The following RILPL1 variants were observed in gnomAD, a reference collection of about 807,000 sequenced individuals.
RILPL1 encodes the protein Rab interacting lysosomal protein like 1.
A neutral mutation model predicts 50.3 loss-of-function variants in RILPL1; 33 were observed. The ratio of observed to expected loss-of-function variants is 0.66; its 90% CI spans 0.50 to 0.88. The LOEUF (loss-of-function observed/expected upper bound fraction) is 0.88. Among genes scored for constraint, RILPL1 ranks in the 40% least tolerant of loss-of-function variants. The probability of loss-of-function intolerance (pLI) is 0.00; values close to 1 mark genes in which losing one functional copy is unlikely to be tolerated. For missense variants in RILPL1, 418 were observed against 542.5 expected, an observed-to-expected ratio of 0.77 and a Z score of 2.28; for synonymous variants, 205 against 228.6, an observed-to-expected ratio of 0.90 and a Z score of 0.93.
In RILPL1 at chr12:123,485,773, G is replaced by T. The variant is rs370215117; in HGVS notation, c.834C>A (p.Asp278Glu). 3 of 1,610,890 alleles carry T rather than the reference G, an allele frequency of 1.9e-6. No homozygotes were observed. In the South Asian group the frequency reaches 3.3e-5, roughly 18 times the overall value. ...TEPVGEESIS[D>E]AEKVAMDLKD... ...TGAGATCCATGGCCACCTTCTCTGC[G>T]TCGGAGATGCTCTCCTCTCCCACCG... Residue 278 changes from aspartate (D) to glutamate (E), a missense_variant, in exon 5 of 7, where the codon GAC becomes GAA. Transcript: ENST00000376874. The surrounding 1 kb of genome is among the most constrained non-coding windows in gnomAD (Gnocchi z 4.0).
At chr12:123,484,318 T>C in intron 5 of RILPL1, 46 bp from the exon 6 acceptor site, 2 of 1,262,542 alleles carry the variant, frequency 1.6e-6, no homozygotes, top group Non-Finnish European at 2.3e-6. Context: ...AAAAGTTCCT[T>C]GAGAACTGGA....
At chr12:123,493,204 A>C (rs1236321152) in intron 4 of RILPL1, among the ~76,000 whole-genome samples, 2 of 152,258 alleles carry the variant, frequency 1.3e-5, no homozygotes, top group East Asian at 1.9e-4. Flanking sequence ...GAGGTGGGAC[A>C]TGCGGGCAGC....
chr12:123,498,500 G>T lies in RILPL1; in HGVS notation c.801+44C>A, dbSNP rs1366763805. On this transcript the variant is annotated intron_variant, in intron 4 of 6. Coordinates refer to ENST00000376874, the MANE Select transcript of RILPL1 (RefSeq NM_178314.5). This position sits in a 1 kb window ranked among gnomAD's most constrained non-coding sequence, Gnocchi z 4.3. ...CCTGCCTGCCTTAAGCCAACCCCCAGACTGACCCTCTGCTACCACCTCTGC... is the reference window on the plus strand; with the variant it reads ...CCTGCCTGCCTTAAGCCAACCCCCATACTGACCCTCTGCTACCACCTCTGC... 1.3e-6 allele frequency: 2 copies of T among 1,576,804 alleles called. No homozygotes were observed. Among genetic ancestry groups the T allele is most frequent in the African/African-American group, 1.3e-5 (1 of 74,332 alleles).
rs1593541662 is a variant in RILPL1 at position 123,485,860 on chromosome 12, A to C, written c.802-55T>G. The C allele has an allele frequency of 6.5e-7, 1 of 1,531,324 alleles. No homozygotes were observed. Among genetic ancestry groups the C allele is most frequent in the Non-Finnish European group, 8.8e-7 (1 of 1,140,252 alleles). 94.9% of individuals were successfully genotyped at this position (1,531,324 alleles called of 1,614,324 possible). ...TTCTTGGCAGCCACTGCCAGCACCC[A>C]CTCTCTATCCTGAAGGAGCCCAAAT... On this transcript the variant is annotated intron_variant, in intron 4 of 6. Transcript: ENST00000376874. The surrounding 1 kb of genome is among the most constrained non-coding windows in gnomAD (Gnocchi z 4.0).
Position 123,487,468 on chromosome 12 carries a change from G to A in RILPL1, c.802-1663C>T, listed in dbSNP as rs115000452. On this transcript the variant is annotated intron_variant, in intron 4 of 6. Coordinates refer to ENST00000376874, the MANE Select transcript of RILPL1 (RefSeq NM_178314.5). The stretch of plus-strand genomic sequence containing the variant: ...AATACAGGCACCCGCCATCATGCCC[G>A]GGCTAAGTTTTGTATTTTTGTAGAG... Among the ~76,000 whole-genome samples, 959 of 152,120 alleles carry A rather than the reference G, an allele frequency of 6.3e-3. 11 individuals are homozygous for A. The highest frequency in any genetic ancestry group is 0.022 in the African/African-American group (925 of 41,522).
intron 1 of RILPL1, among the ~76,000 whole-genome samples, chr12:123,523,976 T>C (rs970530527): frequency 1.3e-5 from 2 of 152,226 alleles, no homozygotes; most frequent in Non-Finnish European, 2.9e-5. Flanking sequence ...CGAACGTTCC[T>C]AACCTCTGGG....
intron 2 of RILPL1, among the ~76,000 whole-genome samples, chr12:123,520,873 C>G (rs950915862): frequency 6.6e-6 from 1 of 152,234 alleles, no homozygotes; most frequent in East Asian, 1.9e-4. Flanking sequence ...AACACCACGG[C>G]GGATCAATCC....
intron 2 of RILPL1, among the ~76,000 whole-genome samples, chr12:123,521,075 AC>A (rs1400148057): frequency 1.3e-5 from 2 of 152,082 alleles, no homozygotes; most frequent in Non-Finnish European, 2.9e-5. Flanking sequence ...CTCAGTCTAA[AC>A]TTTTCTCATC....
Position 123,523,543 on chromosome 12 carries a change from A to G in RILPL1, c.412T>C (p.Ser138Pro), listed in dbSNP as rs1166324448. The change falls in exon 2 of 7, where the codon TCC becomes CCC. Residue 138 changes from serine (S) to proline (P), a missense_variant. Coordinates refer to ENST00000376874, the MANE Select transcript of RILPL1 (RefSeq NM_178314.5). ...TCTGAGAAATTGACATCCTTGTGGG[A>G]GAGGTTGGTCATGAGCTGCTTGTTC... is the stretch of plus-strand genomic sequence containing the variant. ...EENKQLMTNL[S>P]HKDVNFSEEE... The G allele has an allele frequency of 3.7e-6, 6 of 1,613,710 alleles. No homozygotes were observed.
At chr12:123,518,854 C>T (rs938488455) in intron 2 of RILPL1, among the ~76,000 whole-genome samples, 17 of 151,780 alleles carry the variant, frequency 1.1e-4, no homozygotes, top group Admixed American at 2.6e-4. Flanking sequence ...GTCAGGAGAT[C>T]GAGACCATAC....
chr12:123,507,560 G>A (rs1272555219), intron 2 of RILPL1, among the ~76,000 whole-genome samples: 4 of 117,398 alleles, frequency 3.4e-5, no homozygotes, highest in African/African-American at 8.3e-5. Flanking sequence ...ATGAGATACT[G>A]TCTCAAAAAA....
Position 123,522,653 on chromosome 12 carries a change from G to C in RILPL1, c.460+842C>G, listed in dbSNP as rs2139384948. On this transcript the variant is annotated intron_variant, in intron 2 of 6. Transcript: ENST00000376874. This position sits in a 1 kb window ranked among gnomAD's most constrained non-coding sequence, Gnocchi z 4.0. ...CTGTCGCTCAGGCTGTAGCGCAGTG[G>C]TATGATCTCAGCTCACTGTGGCCTC... Among the ~76,000 whole-genome samples, 1 of 152,182 alleles carries C rather than the reference G, an allele frequency of 6.6e-6. No individual in the cohort carries two copies. Among genetic ancestry groups the C allele is most frequent in the South Asian group, 2.1e-4 (1 of 4,826 alleles).
chr12:123,527,878 A>C (rs1885315248), intron 1 of RILPL1, among the ~76,000 whole-genome samples: 1 of 152,142 alleles, frequency 6.6e-6, no homozygotes, highest in Admixed American at 6.6e-5. Context: ...GAAGGCAAAG[A>C]AATGGATCCT....
chr12:123,505,207 T>A (rs374182866), intron 2 of RILPL1, among the ~76,000 whole-genome samples: 1 of 152,122 alleles, frequency 6.6e-6, no homozygotes, highest in East Asian at 1.9e-4. Context: ...AATTTTTGTA[T>A]TTTTAGTAGA....
In RILPL1 at chr12:123,498,850, G is replaced by C; in HGVS notation, c.580-85C>G. On this transcript the variant is annotated intron_variant, in intron 3 of 6. Coordinates refer to ENST00000376874, the MANE Select transcript of RILPL1 (RefSeq NM_178314.5). This position sits in a 1 kb window ranked among gnomAD's most constrained non-coding sequence, Gnocchi z 4.3. The stretch of plus-strand genomic sequence containing the variant: ...CTGCACAACGGCAAACCATCCATAG[G>C]TGTGCCATTTACATTGCAGACATCT... The C allele has an allele frequency of 7.8e-7, 1 of 1,276,482 alleles. No homozygotes were observed. The highest frequency in any genetic ancestry group is 1.5e-5 in the African/African-American group (1 of 68,552). The allele number at this position is 1,276,482 out of a possible 1,614,324, so 79.1% of individuals were successfully genotyped here.
chr12:123,513,296 C>G, intron 2 of RILPL1: 3 of 324,270 alleles, frequency 9.3e-6, no homozygotes, highest in South Asian at 6.5e-5. Flanking sequence ...TCCCGACCCC[C>G]CGCCTGCCAT....
chr12:123,477,166 G>A (rs1881649565), intron 6 of RILPL1, among the ~76,000 whole-genome samples: 1 of 152,170 alleles, frequency 6.6e-6, no homozygotes, highest in Non-Finnish European at 1.5e-5. Context: ...CTCCAACCAT[G>A]CCACTAGAGC....
chr12:123,521,672 A>ACACAC lies in RILPL1; in HGVS notation c.460+1822_460+1823insGTGTG, dbSNP rs1566144500. Among the ~76,000 whole-genome samples the ACACAC allele has an allele frequency of 8.8e-3, 221 of 25,050 alleles. 2 individuals carry two copies. The highest frequency in any genetic ancestry group is 0.029 in the African/African-American group (192 of 6,556). The allele number at this position is 25,050 out of a possible 152,430, so 16.4% of individuals were successfully genotyped here. A position where few individuals can be genotyped will look rare whatever the true frequency, so the allele number is the denominator to read the frequency against. On this transcript the variant is annotated intron_variant, in intron 2 of 6. Transcript: ENST00000376874. ...ATATACACATATATGTATATATATA[A>ACACAC]ATATATATATATACACACATATATG...
chr12:123,532,503 C>T (rs1038342556), intron 1 of RILPL1, among the ~76,000 whole-genome samples: 2 of 152,158 alleles, frequency 1.3e-5, no homozygotes, highest in Admixed American at 6.6e-5. Context: ...CTGTGACCCT[C>T]GGTTTCTTTA....
Sources: allele counts gnomAD v4.1 joint callset (sites outside exome capture counted in the v4.1 genomes callset), GRCh38; gene constraint gnomAD v4.1.1; non-coding constraint Gnocchi (gnomAD v3.1); transcripts MANE v1.5; gene names NCBI Gene and HGNC (gene_info 2026-07-23, HGNC 2026-07-21).